Variants in TRIM9 observed in about 807,000 individuals in gnomAD.
TRIM9 encodes tripartite motif containing 9, also known as E3 ubiquitin-protein ligase TRIM9.
Under a neutral mutation model 78.3 loss-of-function variants are expected in TRIM9, and 26 were observed. The ratio of observed to expected loss-of-function variants is 0.33; its 90% CI spans 0.24 to 0.46. TRIM9 has a LOEUF of 0.46. Among genes scored for constraint, TRIM9 ranks in the 20% least tolerant of loss-of-function variants. TRIM9 has a pLI of 1.00. For synonymous variants in TRIM9, 398 were observed against 416.5 expected (o/e 0.96, Z 0.54); for missense variants, 787 against 1,036.4 (o/e 0.76, Z 3.30).
At position 51,014,097 on chromosome 14, in the gene TRIM9, T is replaced by C. The variant is rs577790912; in HGVS notation, c.1042-3603A>G. 2.0e-5 allele frequency among the ~76,000 whole-genome samples: 3 copies of C among 152,338 alleles called. No homozygotes were observed. The South Asian group carries it at 6.2e-4, about 32-fold the overall frequency. ...ACCCAGAGTCAGTCTGCTTTTGAGA[T>C]AAAATAGACTGAATTGTTGTGTTTC... On this transcript the variant is annotated intron_variant, in intron 3 of 12. Coordinates refer to ENST00000684578, the MANE Select transcript of TRIM9 (RefSeq NM_001387360.1).
At chr14:51,022,992 G>C (rs201960248) in intron 2 of TRIM9, 35 bp from the exon 3 acceptor site, 3 of 1,610,834 alleles carry the variant, frequency 1.9e-6, no homozygotes, top group South Asian at 2.2e-5. Context: ...ACTGCAAGCT[G>C]CTGGGTGCCT....
intron 1 of TRIM9, among the ~76,000 whole-genome samples, chr14:51,083,366 C>T (rs192874897): frequency 5.3e-5 from 8 of 152,202 alleles, no homozygotes; most frequent in Admixed American, 4.6e-4. Context: ...ACTCTCCTGC[C>T]TCAGGAGGAT....
intron 5 of TRIM9, among the ~76,000 whole-genome samples, chr14:51,006,710 T>C (rs542024455): frequency 1.3e-5 from 2 of 152,342 alleles, no homozygotes. Flanking sequence ...AATGGCCTGT[T>C]AGGTTAACTT....
intron 1 of TRIM9, among the ~76,000 whole-genome samples, chr14:51,075,201 C>T (rs1193078584): frequency 4.6e-5 from 7 of 152,060 alleles, no homozygotes; most frequent in African/African-American, 7.2e-5. Flanking sequence ...CAAATAGGGA[C>T]CTCAAATTGC....
intron 1 of TRIM9, among the ~76,000 whole-genome samples, chr14:51,040,399 C>A (rs192832214): frequency 1.3e-5 from 2 of 152,106 alleles, no homozygotes; most frequent in African/African-American, 4.8e-5. Context: ...TGCCTGTACC[C>A]GGCAGCACCC....
chr14:51,072,524 TA>T (rs1181387228), intron 1 of TRIM9, among the ~76,000 whole-genome samples: 3 of 151,932 alleles, frequency 2.0e-5, no homozygotes, highest in Non-Finnish European at 4.4e-5. Context: ...GACTTACCAA[TA>T]AAAAACAAGT....
intron 1 of TRIM9, among the ~76,000 whole-genome samples, chr14:51,044,850 C>A (rs1243285071): frequency 6.6e-6 from 1 of 152,184 alleles, no homozygotes; most frequent in Non-Finnish European, 1.5e-5. Context: ...TCCCTATCAT[C>A]TCCACTAAGT....
intron 5 of TRIM9, 115 bp from the exon 6 acceptor site, chr14:51,000,955 C>T: frequency 2.5e-6 from 3 of 1,215,150 alleles, no homozygotes; most frequent in South Asian, 2.8e-5. Context: ...GAATGGGGTG[C>T]ACAGGGGAAC....
At chr14:51,058,406 G>T (rs2061060830) in intron 1 of TRIM9, among the ~76,000 whole-genome samples, 1 of 152,192 alleles carries the variant, frequency 6.6e-6, no homozygotes, top group African/African-American at 2.4e-5. Context: ...GTATTAGCTA[G>T]GTCATTGATT....
intron 7 of TRIM9, among the ~76,000 whole-genome samples, chr14:50,987,141 T>C (rs2052824554): frequency 1.3e-5 from 2 of 152,246 alleles, no homozygotes; most frequent in Non-Finnish European, 2.9e-5. Context: ...TAATATGCCA[T>C]GTCCAAAATC....
Position 51,022,856 on chromosome 14 carries a change from C to T in TRIM9, c.1020G>A (p.Lys340=). The change falls in exon 3 of 13, where the codon AAG becomes AAA. Residue 340 remains lysine (K), a synonymous_variant. Transcript: ENST00000684578. ...RKAQLLARVN[K]EHEHKLKVVR... ...TCACCTTCAGCTTGTGCTCATGCTC[C>T]TTGTTGACGCGGGCCAGCAGCTGGG... 1 of 1,614,176 alleles carries T rather than the reference C, an allele frequency of 6.2e-7. No homozygotes were observed. Among genetic ancestry groups the T allele is most frequent in the Non-Finnish European group, 8.5e-7 (1 of 1,180,030 alleles).
At chr14:51,016,131 C>T (rs946929170) in intron 3 of TRIM9, among the ~76,000 whole-genome samples, 1 of 152,186 alleles carries the variant, frequency 6.6e-6, no homozygotes, top group South Asian at 2.1e-4. Flanking sequence ...TACCTATGCA[C>T]ATCCTCTTAT....
Position 51,094,789 on chromosome 14 carries a change from G to C in TRIM9, c.151C>G (p.Arg51Gly). The C allele has an allele frequency of 2.0e-6, 3 of 1,530,390 alleles. No individual in the cohort carries two copies. The highest frequency in any genetic ancestry group is 2.3e-5 in the East Asian group (1 of 44,218). The allele number at this position is 1,530,390 out of a possible 1,614,324, so 94.8% of individuals were successfully genotyped here. ...TPESESPQSH[R>G]AAGSGVSDYD... The stretch of plus-strand genomic sequence containing the variant: ...TCGGAGACCCCGGAGCCCGCGGCCC[G>C]ATGGCTCTGGGGGGATTCAGACTCT... The change falls in exon 1 of 13, where the codon CGG becomes GGG. Residue 51 changes from arginine (R) to glycine (G), a missense_variant. Transcript: ENST00000684578.
chr14:51,056,170 T>C (rs74054012), intron 1 of TRIM9, among the ~76,000 whole-genome samples: 343 of 152,284 alleles, frequency 2.3e-3, no homozygotes, highest in African/African-American at 7.7e-3. Context: ...TGATAAGAAA[T>C]TACAATAAGA....
intron 7 of TRIM9, chr14:50,996,953 G>A (rs2054286170): frequency 8.1e-6 from 8 of 985,382 alleles, no homozygotes; most frequent in Non-Finnish European, 9.6e-6. Context: ...TTAACCATGT[G>A]AAGCATTTTA....
chr14:51,030,784 T>A (rs2058658317), intron 1 of TRIM9, among the ~76,000 whole-genome samples: 1 of 152,140 alleles, frequency 6.6e-6, no homozygotes. Context: ...TGAGCAAGGC[T>A]GGTATCAGAG....
chr14:50,990,371 C>G (rs2053341787), intron 7 of TRIM9, among the ~76,000 whole-genome samples: 1 of 152,058 alleles, frequency 6.6e-6, no homozygotes, highest in Admixed American at 6.5e-5. Context: ...CTGTCATGTG[C>G]CAGACATTGC....
At chr14:51,025,490 G>T in intron 1 of TRIM9, 130 bp from the exon 2 acceptor site, 1 of 741,414 alleles carries the variant, frequency 1.3e-6, no homozygotes, top group Non-Finnish European at 2.2e-6. Context: ...CTTTTTGCTG[G>T]CATTTGTACA....
chr14:51,086,601 G>A (rs969982469), intron 1 of TRIM9, among the ~76,000 whole-genome samples: 1 of 152,182 alleles, frequency 6.6e-6, no homozygotes, highest in Non-Finnish European at 1.5e-5. Flanking sequence ...AACAGTCTAT[G>A]GAATTGAGTT....
Sources: gnomAD v4.1 joint callset for allele counts (sites outside exome capture counted in the v4.1 genomes callset) on GRCh38, gnomAD v4.1.1 for gene constraint, MANE v1.5 for transcripts, NCBI Gene and HGNC (gene_info 2026-07-23, HGNC 2026-07-21) for gene names.